VCAN: variants seen among roughly 807,000 people sequenced by gnomAD.
VCAN encodes versican.
A neutral mutation model predicts 245.5 loss-of-function variants in VCAN; 44 were observed. The observed-to-expected ratio is 0.18, with a 90% CI of 0.14 to 0.23. The LOEUF is 0.23. VCAN is among the 10% of genes least tolerant of loss of function. The pLI is 1.00. For missense variants in VCAN, 3,793 were observed against 4,057.9 expected (o/e 0.93, Z 1.77); for synonymous variants, 1,413 against 1,437.0 (o/e 0.98, Z 0.38).
At chr5:83,482,045 G>A (rs551611258) in intron 1 of VCAN, among the ~76,000 whole-genome samples, 3 of 152,150 alleles carry the variant, frequency 2.0e-5, no homozygotes, top group Non-Finnish European at 2.9e-5. Context: ...AAAAAGTCAC[G>A]ATTTTATTGG....
intron 11 of VCAN, among the ~76,000 whole-genome samples, chr5:83,553,856 T>C (rs309591): frequency 0.072 from 10,939 of 152,292 alleles, 602 homozygotes; most frequent in South Asian, 0.27. Context: ...ACTATGGTTA[T>C]ACTTTCATAG....
At chr5:83,479,034 C>T (rs1177020667) in intron 1 of VCAN, among the ~76,000 whole-genome samples, 1 of 152,126 alleles carries the variant, frequency 6.6e-6, no homozygotes, top group Non-Finnish European at 1.5e-5. Flanking sequence ...AGTCCAGGTT[C>T]AGGAATTCAC....
chr5:83,538,865 A>C lies in VCAN; in HGVS notation c.5862A>C (p.Val1954=). ...ATCCCATAGCAAAAGAAGAAACGGTAATGATGGAAGGCTCTGGAGATGCAG... is the reference window on the plus strand; with the variant it reads ...ATCCCATAGCAAAAGAAGAAACGGTCATGATGGAAGGCTCTGGAGATGCAG... ...VSHPIAKEET[V]MMEGSGDAAF... is the part of the protein sequence containing the mutation. Residue 1954 remains valine, a synonymous_variant, in exon 8 of 15, where the codon GTA becomes GTC. Coordinates refer to ENST00000265077, the MANE Select transcript of VCAN (RefSeq NM_004385.5). The C allele has an allele frequency of 6.2e-7, 1 of 1,614,036 alleles. No homozygotes were observed. The highest frequency in any genetic ancestry group is 8.5e-7 in the Non-Finnish European group (1 of 1,179,960).
intron 7 of VCAN, chr5:83,535,591 T>C (rs992006510): frequency 2.0e-5 from 3 of 152,164 alleles, no homozygotes; most frequent in African/African-American, 7.2e-5. Flanking sequence ...CACTGATTCC[T>C]CTTCAATAGG....
rs1580627389 is a variant in VCAN at position 83,520,099 on chromosome 5, A to T, written c.1793A>T (p.Glu598Val). The change falls in exon 7 of 15, where the codon GAG becomes GTG. Residue 598 changes from glutamate to valine, a missense_variant. Glu to Val is a moderately radical substitution (Grantham distance 121, BLOSUM62 -2). Transcript: ENST00000265077. ...DTIHTHLEDL[E>V]SVSASTTVSP... ...ATCCACACTCATTTAGAAGACTTGG[A>T]GTCAGTCTCAGCATCCACAACTGTT... The T allele has an allele frequency of 5.0e-6, 8 of 1,614,072 alleles. No homozygotes were observed. The African/African-American group carries it at 8.0e-5, about 16-fold the overall frequency.
At chr5:83,564,000 A>G (rs1465574039) in intron 12 of VCAN, among the ~76,000 whole-genome samples, 1 of 152,186 alleles carries the variant, frequency 6.6e-6, no homozygotes, top group Non-Finnish European at 1.5e-5. Context: ...AAAAGAAGAA[A>G]CTACCGTAGG....
chr5:83,540,821 T>C lies in VCAN; in HGVS notation c.7818T>C (p.His2606=). Residue 2606 remains histidine (H), a synonymous_variant, in exon 8 of 15, where the codon CAT becomes CAC. Transcript: ENST00000265077. ...ATACAGAGGTACCATCAGAACCACA[T>C]GACAGTAATGATGAAAGTAATGATG... ...DIDTEVPSEP[H]DSNDESNDDS... is the part of the protein sequence containing the mutation. 1 of 1,613,946 alleles carries C rather than the reference T, an allele frequency of 6.2e-7. No individual in the cohort carries two copies. The highest frequency in any genetic ancestry group is 1.7e-5 in the Admixed American group (1 of 59,986).
intron 5 of VCAN, 58 bp from the exon 6 acceptor site, chr5:83,512,045 A>G: frequency 1.9e-6 from 3 of 1,607,366 alleles, no homozygotes; most frequent in Non-Finnish European, 2.5e-6. Flanking sequence ...ATATTTATCC[A>G]ACAGGAAAGG....
intron 12 of VCAN, among the ~76,000 whole-genome samples, chr5:83,559,341 G>C (rs1340982665): frequency 6.6e-6 from 1 of 152,020 alleles, no homozygotes; most frequent in African/African-American, 2.4e-5. Context: ...ATGAACTCTT[G>C]TCGCTCCCTT....
Position 83,539,893 on chromosome 5 carries a change from A to C in VCAN, c.6890A>C (p.Lys2297Thr). The C allele has an allele frequency of 6.2e-7, 1 of 1,614,104 alleles. No individual in the cohort carries two copies. Among genetic ancestry groups the C allele is most frequent in the Non-Finnish European group, 8.5e-7 (1 of 1,179,982 alleles). Residue 2297 changes from lysine to threonine, a missense_variant, in exon 8 of 15, where the codon AAA becomes ACA. Coordinates refer to ENST00000265077, the MANE Select transcript of VCAN (RefSeq NM_004385.5). Reference sequence around the variant, plus strand: ...CAAGTGGAAAGTACCTCAAGTGACAAAATTGAAGACTTTAACAGAATGGAA... The same window carrying C: ...CAAGTGGAAAGTACCTCAAGTGACACAATTGAAGACTTTAACAGAATGGAA... Reference protein sequence around the residue: ...TSQVESTSSDKIEDFNRMENV... With the variant: ...TSQVESTSSDTIEDFNRMENV...
At chr5:83,499,994 G>A (rs1402137335) in intron 5 of VCAN, among the ~76,000 whole-genome samples, 2 of 152,104 alleles carry the variant, frequency 1.3e-5, no homozygotes. Context: ...AAAGGTTTTG[G>A]TTGGACCAAA....
At chr5:83,529,441 T>C (rs528420854) in intron 7 of VCAN, among the ~76,000 whole-genome samples, 2 of 152,084 alleles carry the variant, frequency 1.3e-5, no homozygotes, top group South Asian at 4.2e-4. Flanking sequence ...ATTTACATTG[T>C]ATTAGTTATT....
chr5:83,495,880 A>G (rs893420181), intron 5 of VCAN, among the ~76,000 whole-genome samples: 5 of 152,164 alleles, frequency 3.3e-5, no homozygotes, highest in Admixed American at 6.5e-5. Flanking sequence ...TTATGTACCC[A>G]TGAAGCCACC....
Position 83,493,448 on chromosome 5 carries a change from G to C in VCAN, c.446-98G>C, listed in dbSNP as rs1745047072. 2.1e-6 allele frequency: 3 copies of C among 1,410,056 alleles called. No individual in the cohort carries two copies. In the Admixed American group the frequency reaches 5.1e-5, roughly 24 times the overall value. 87.3% of individuals were successfully genotyped at this position (1,410,056 alleles called of 1,614,324 possible). ...ATAATTATTATGATATTATTACTAT[G>C]TATCCAACTAAGTTGATACATTGCT... is the stretch of plus-strand genomic sequence containing the variant. On this transcript the variant is annotated intron_variant, in intron 3 of 14. Coordinates refer to ENST00000265077, the MANE Select transcript of VCAN (RefSeq NM_004385.5).
rs559825518 is a variant in VCAN at position 83,540,739 on chromosome 5, A to G, written c.7736A>G (p.Asp2579Gly). ...ACATCGGATAAAAATACTATCATAG[A>G]TATTGATCATACTAAACCTGTGTAT... Reference protein sequence around the residue: ...ELTSDKNTIIDIDHTKPVYED... With the variant: ...ELTSDKNTIIGIDHTKPVYED... Residue 2579 changes from aspartate (D) to glycine (G), a missense_variant, in exon 8 of 15, where the codon GAT (aspartate) becomes GGT (glycine). Asp to Gly is a moderately conservative substitution (Grantham distance 94). Around this residue, in one of 5 missense-constraint regions of VCAN, gnomAD observed 3,182 missense variants for 3,250.3 expected, o/e 0.98. Transcript: ENST00000265077. 2 of 1,613,998 alleles carry G rather than the reference A, an allele frequency of 1.2e-6. No individual in the cohort carries two copies. Among genetic ancestry groups the G allele is most frequent in the East Asian group, 4.5e-5 (2 of 44,848 alleles).
intron 12 of VCAN, among the ~76,000 whole-genome samples, chr5:83,561,770 C>T (rs1747875382): frequency 2.0e-5 from 3 of 152,146 alleles, no homozygotes; most frequent in Admixed American, 2.0e-4. Context: ...AATGGAGTAA[C>T]AAATCACGGA....
intron 2 of VCAN, among the ~76,000 whole-genome samples, chr5:83,486,464 C>T (rs965307299): frequency 3.1e-4 from 47 of 152,214 alleles, no homozygotes; most frequent in African/African-American, 1.1e-3. Flanking sequence ...GAGCTGTCTT[C>T]CTCAAAGTTT....
intron 7 of VCAN, among the ~76,000 whole-genome samples, chr5:83,527,473 A>AG (rs1746346877): frequency 6.6e-6 from 1 of 152,222 alleles, no homozygotes; most frequent in South Asian, 2.1e-4. Flanking sequence ...AAAAGAATTG[A>AG]GTTCCTCTTC....
intron 12 of VCAN, among the ~76,000 whole-genome samples, chr5:83,555,276 C>T (rs1169809884): frequency 6.6e-6 from 1 of 152,098 alleles, no homozygotes; most frequent in Admixed American, 6.5e-5. Flanking sequence ...TCTATCAAAC[C>T]AGAAAACCAG....
Sources: allele counts gnomAD v4.1 joint callset (sites outside exome capture counted in the v4.1 genomes callset), GRCh38; gene constraint gnomAD v4.1.1; regional missense constraint gnomAD v4.1.1; transcripts MANE v1.5; gene names NCBI Gene and HGNC (gene_info 2026-07-23, HGNC 2026-07-21).